Variants in EGLN1 observed in about 807,000 individuals in gnomAD.
EGLN1 encodes egl nine homolog 1.
EGLN1 carries 17 observed loss-of-function variants against 38.3 expected under a neutral mutation model. That is an observed-to-expected ratio of 0.44 (90% CI 0.30 to 0.67). EGLN1 has a LOEUF of 0.67. EGLN1 is among the 30% of genes least tolerant of loss of function. The probability of loss-of-function intolerance (pLI) is 0.08; values close to 1 mark genes in which losing one functional copy is unlikely to be tolerated. For missense variants in EGLN1, 477 were observed against 603.3 expected (o/e 0.79, Z 2.19); for synonymous variants, 283 against 257.5 (o/e 1.10, Z -0.95).
intron 1 of EGLN1, among the ~76,000 whole-genome samples, chr1:231,396,798 G>A (rs2102921681): frequency 6.6e-6 from 1 of 152,242 alleles, no homozygotes; most frequent in South Asian, 2.1e-4. Flanking sequence ...TTTACTGAGT[G>A]GCATCCTTGT....
At chr1:231,393,859 T>G (rs755172318) in intron 1 of EGLN1, among the ~76,000 whole-genome samples, 2 of 152,194 alleles carry the variant, frequency 1.3e-5, no homozygotes, top group African/African-American at 4.8e-5. Context: ...ATCAGAACAG[T>G]AGGAGTCATC....
intron 1 of EGLN1, among the ~76,000 whole-genome samples, chr1:231,397,917 C>G (rs1688571689): frequency 6.6e-6 from 1 of 152,078 alleles, no homozygotes; most frequent in Non-Finnish European, 1.5e-5. Flanking sequence ...ACACAGAGGT[C>G]AAAGCAGGTT....
At position 231,370,601 on chromosome 1, in the gene EGLN1, C is replaced by T. The variant is rs1687795592; in HGVS notation, c.1109G>A (p.Arg370His). The T allele has an allele frequency of 6.2e-7, 1 of 1,614,022 alleles. No homozygotes were observed. The highest frequency in any genetic ancestry group is 8.5e-7 in the Non-Finnish European group (1 of 1,180,022). Reference protein sequence around the residue: ...FDRLLFFWSDRRNPHEVQPAY... With the variant: ...FDRLLFFWSDHRNPHEVQPAY... ...TGGTTGTACTTCATGAGGGTTGCGA[C>T]GGTCAGACCAGAAAAACAGCAGTCT... is the stretch of plus-strand genomic sequence containing the variant. The change falls in exon 3 of 5, where the codon CGT (arginine) becomes CAT (histidine). Residue 370 changes from arginine (R) to histidine (H), a missense_variant. Around this residue, in one of 4 missense-constraint regions of EGLN1, gnomAD observed 59 missense variants for 119.0 expected, o/e 0.50. Transcript: ENST00000366641.
At chr1:231,383,624 T>C (rs1226489987) in intron 1 of EGLN1, among the ~76,000 whole-genome samples, 2 of 152,026 alleles carry the variant, frequency 1.3e-5, no homozygotes, top group African/African-American at 2.4e-5. Flanking sequence ...GAAATGCAAA[T>C]AGAAAAACTG....
intron 1 of EGLN1, among the ~76,000 whole-genome samples, chr1:231,411,364 T>C (rs1462032208): frequency 3.9e-5 from 6 of 152,208 alleles, no homozygotes; most frequent in Admixed American, 3.9e-4. Flanking sequence ...TGTGAGTCAA[T>C]TAAACTGCTT....
intron 1 of EGLN1, among the ~76,000 whole-genome samples, chr1:231,412,490 C>T (rs1572050432): frequency 2.6e-5 from 4 of 152,194 alleles, no homozygotes; most frequent in South Asian, 4.1e-4. Flanking sequence ...TTTCTTTTTA[C>T]GTGGATTCAC....
intron 4 of EGLN1, among the ~76,000 whole-genome samples, chr1:231,366,884 A>C (rs1329853246): frequency 1.3e-5 from 2 of 152,252 alleles, no homozygotes; most frequent in African/African-American, 2.4e-5. Flanking sequence ...AAACACAGCT[A>C]ATCAGTAATG....
intron 1 of EGLN1, among the ~76,000 whole-genome samples, chr1:231,417,605 G>C (rs1689118871): frequency 6.6e-6 from 1 of 152,148 alleles, no homozygotes; most frequent in Admixed American, 6.5e-5. Flanking sequence ...TAGGATCAAA[G>C]GGCAGGGTAA....
intron 1 of EGLN1, among the ~76,000 whole-genome samples, chr1:231,384,887 C>T (rs1052549781): frequency 4.6e-5 from 7 of 152,144 alleles, no homozygotes; most frequent in Admixed American, 2.0e-4. Flanking sequence ...ACCGTGCAGG[C>T]CACAAAACCT....
At chr1:231,380,942 C>T (rs1379467962) in intron 1 of EGLN1, among the ~76,000 whole-genome samples, 3 of 152,088 alleles carry the variant, frequency 2.0e-5, no homozygotes, top group South Asian at 2.1e-4. Flanking sequence ...ATTTTAGAGA[C>T]AGGGTCTCAC....
intron 1 of EGLN1, among the ~76,000 whole-genome samples, chr1:231,414,705 G>A (rs1234133416): frequency 1.3e-5 from 2 of 151,430 alleles, no homozygotes; most frequent in African/African-American, 4.9e-5. Context: ...GAGGCCCAGT[G>A]CGATGGCTCA....
intron 1 of EGLN1, among the ~76,000 whole-genome samples, chr1:231,417,264 CT>C (rs1305382955): frequency 1.3e-5 from 2 of 152,178 alleles, no homozygotes; most frequent in African/African-American, 4.8e-5. Flanking sequence ...GTAATATAAT[CT>C]GCTGCTTATT....
Position 231,394,666 on chromosome 1 carries a change from T to C in EGLN1, c.892-20567A>G, listed in dbSNP as rs1017924876. ...AGCCTCCCCAAGTGCTGGGATTACA[T>C]GCATAAGCCACCACGCCTGGCCAGT... On this transcript the variant is annotated intron_variant, in intron 1 of 4. Transcript: ENST00000366641. 4.6e-5 allele frequency among the ~76,000 whole-genome samples: 7 copies of C among 151,728 alleles called. No homozygotes were observed. The East Asian group carries it at 1.4e-3, about 29-fold the overall frequency.
At chr1:231,420,157 GAAAAC>G (rs1656526003) in intron 1 of EGLN1, 1 of 152,166 alleles carries the variant, frequency 6.6e-6, no homozygotes, top group Admixed American at 6.5e-5. Flanking sequence ...ATAGTAAAGA[GAAAAC>G]AAAAAGATCT....
chr1:231,397,998 T>G (rs1688573817), intron 1 of EGLN1, among the ~76,000 whole-genome samples: 1 of 152,190 alleles, frequency 6.6e-6, no homozygotes, highest in South Asian at 2.1e-4. Flanking sequence ...AGGACTGTAT[T>G]GATAACACAT....
intron 1 of EGLN1, among the ~76,000 whole-genome samples, chr1:231,391,088 T>TGTGTGTGTGTGTGTG (rs1558387104): frequency 2.9e-4 from 10 of 34,690 alleles, no homozygotes; most frequent in African/African-American, 7.2e-4. Context: ...ATTCTGTTTT[T>TGTGTGTGTGTGTGTG]TTTTTGTGTG....
chr1:231,392,237 A>C (rs1299457945), intron 1 of EGLN1, among the ~76,000 whole-genome samples: 1 of 152,184 alleles, frequency 6.6e-6, no homozygotes, highest in African/African-American at 2.4e-5. Context: ...CAGTTAGCCG[A>C]GATCGCGCCA....
chr1:231,367,723 A>C, intron 3 of EGLN1, 87 bp from the exon 4 acceptor site: 1 of 1,161,152 alleles, frequency 8.6e-7, no homozygotes, highest in Middle Eastern at 2.3e-4. Context: ...AAAACTTGTA[A>C]TGCCAAAATT....
intron 1 of EGLN1, among the ~76,000 whole-genome samples, chr1:231,403,641 C>T (rs1029424718): frequency 5.3e-5 from 8 of 151,408 alleles, no homozygotes; most frequent in Non-Finnish European, 8.8e-5. Flanking sequence ...CCCAGTGGTG[C>T]GTGCCTGTAC....
Sources: gnomAD v4.1 joint callset for allele counts (sites outside exome capture counted in the v4.1 genomes callset) on GRCh38, gnomAD v4.1.1 for gene constraint, gnomAD v4.1.1 regional missense constraint, MANE v1.5 for transcripts, NCBI Gene and HGNC (gene_info 2026-07-23, HGNC 2026-07-21) for gene names.